Variants in NAGPA observed in about 807,000 individuals in gnomAD.
NAGPA encodes N-acetylglucosamine-1-phosphodiester alpha-N-acetylglucosaminidase, also known as alpha-N-acetylglucosaminyl phosphodiesterase.
Under a neutral mutation model 48.5 loss-of-function variants are expected in NAGPA, and 56 were observed. The observed-to-expected ratio is 1.15, with a 90% confidence interval of 0.93 to 1.44. The LOEUF is 1.44. Ranked by LOEUF, NAGPA falls within the 40% of genes most tolerant of loss-of-function variation. The pLI is 0.00. For missense variants in NAGPA, 888 were observed against 735.0 expected (o/e 1.21, Z -2.41); for synonymous variants, 399 against 315.5 (o/e 1.26, Z -2.81).
chr16:5,029,131 C>G, intron 4 of NAGPA, 123 bp from the exon 5 acceptor site: 4 of 1,513,574 alleles, frequency 2.6e-6, no homozygotes, highest in Non-Finnish European at 3.6e-6. Context: ...GTGGCCCCCG[C>G]CCCCAAGCAT....
chr16:5,027,695 A>T, intron 7 of NAGPA, 151 bp downstream of exon 7: 5 of 1,194,098 alleles, frequency 4.2e-6, no homozygotes, highest in Non-Finnish European at 6.0e-6. Flanking sequence ...GCCACAGGGG[A>T]GTCACACAGT....
chr16:5,030,336 C>T (rs1446018979), intron 4 of NAGPA, 49 bp downstream of exon 4: 4 of 1,508,990 alleles, frequency 2.7e-6, no homozygotes, highest in Admixed American at 3.9e-5. Context: ...CAACGTTCCT[C>T]CTAGCAGGAC....
At chr16:5,027,429 C>T (rs758766874) in intron 7 of NAGPA, 50 bp from the exon 8 acceptor site, 4 of 1,579,834 alleles carry the variant, frequency 2.5e-6, no homozygotes, top group Admixed American at 1.7e-5. Context: ...AGGTTGGGGC[C>T]TCCAGTGTCA....
At chr16:5,030,623 C>T in intron 3 of NAGPA, 130 bp from the exon 4 acceptor site, 1 of 771,610 alleles carries the variant, frequency 1.3e-6, no homozygotes, top group Non-Finnish European at 2.2e-6. Flanking sequence ...TTGCTCGTCT[C>T]CCTGCCTCCC....
Position 5,033,012 on chromosome 16 carries a change from AG to A in NAGPA, c.542+260del. ...TTACCCGGCTTTTGTTGATTTTTCT[AG>A]TAATGGGGGAGGGCTGTTAAGGCAA... On this transcript the variant is annotated intron_variant, in intron 2 of 9. Transcript: ENST00000312251. This position sits in a 1 kb window ranked among gnomAD's most constrained non-coding sequence, Gnocchi z 4.2. 1.7e-6 allele frequency: 1 copy of A among 573,896 alleles called. No individual in the cohort carries two copies. The highest frequency in any genetic ancestry group is 3.1e-6 in the Non-Finnish European group (1 of 323,778). The allele number at this position is 573,896 out of a possible 1,614,324, so 35.6% of individuals were successfully genotyped here.
chr16:5,031,663 T>C (rs1276995423), intron 3 of NAGPA, 82 bp downstream of exon 3: 6 of 1,583,344 alleles, frequency 3.8e-6, no homozygotes, highest in Non-Finnish European at 5.2e-6. Context: ...TCAATACTTG[T>C]TGAAAGACTT....
chr16:5,033,511 G>C lies in NAGPA; in HGVS notation c.304C>G (p.Arg102Gly). ...CCGGGCTCCAGCACCGAGAAGGTGC[G>C]CAGGGGCTCAACGGCCCGCGTCAGG... ...GHLTRAVEPL[R>G]TFSVLEPGGP... Residue 102 changes from arginine (R) to glycine (G), a missense_variant, in exon 2 of 10, where the codon CGC (arginine) becomes GGC (glycine). Transcript: ENST00000312251. The surrounding 1 kb of genome is among the most constrained non-coding windows in gnomAD (Gnocchi z 4.2). 6.5e-7 allele frequency: 1 copy of C among 1,539,326 alleles called. No individual in the cohort carries two copies. Among genetic ancestry groups the C allele is most frequent in the Non-Finnish European group, 8.7e-7 (1 of 1,151,742 alleles).
intron 5 of NAGPA, 157 bp from the exon 6 acceptor site, chr16:5,028,342 C>T (rs970004913): frequency 7.1e-7 from 1 of 1,402,624 alleles, no homozygotes; most frequent in Non-Finnish European, 9.8e-7. Context: ...TATTGCGATC[C>T]TTCCACCCGA....
At chr16:5,028,694 G>T in intron 5 of NAGPA, 186 bp downstream of exon 5, 39 of 840,274 alleles carry the variant, frequency 4.6e-5, no homozygotes, top group East Asian at 1.8e-4. Context: ...GGAGGTCTTT[G>T]CTGACCAACT....
intron 4 of NAGPA, chr16:5,030,077 C>CAAGT (rs1956072885): frequency 2.0e-6 from 1 of 511,138 alleles, no homozygotes; most frequent in Non-Finnish European, 3.6e-6. Context: ...GGTGGGTAGA[C>CAAGT]AAGTCATCGA....
chr16:5,024,868 G>T lies in NAGPA; in HGVS notation c.*610C>A, dbSNP rs1890387757. On this transcript the variant is annotated 3_prime_UTR_variant, in exon 10 of 10. Transcript: ENST00000312251. ...ATTCAGAATCCACACACCACCTGGT[G>T]GCTCCTTTTATTATATCAATTTATT... 1.3e-5 allele frequency: 2 copies of T among 156,504 alleles called. No homozygotes were observed. Among genetic ancestry groups the T allele is most frequent in the African/African-American group, 4.8e-5 (2 of 41,460 alleles). 9.7% of individuals were successfully genotyped at this position (156,504 alleles called of 1,614,324 possible). A position where few individuals can be genotyped will look rare whatever the true frequency, so the allele number is the denominator to read the frequency against.
At chr16:5,028,402 A>AT (rs746682627) in intron 5 of NAGPA, 325 of 889,586 alleles carry the variant, frequency 3.7e-4, no homozygotes, top group African/African-American at 1.0e-3. Flanking sequence ...CGCCTGCCTA[A>AT]TTTTTTTTTA....
rs1279852781 is a variant in NAGPA, at chr16:5,029,243, G to A, written c.792-235C>T. ...CTTAAGGGAGGGGAAACGGCCCGGA[G>A]GATCTGGGTGCAGCCACTGGAATCA... On this transcript the variant is annotated intron_variant, in intron 4 of 9. Coordinates refer to ENST00000312251, the MANE Select transcript of NAGPA (RefSeq NM_016256.4). 3.0e-5 allele frequency: 18 copies of A among 597,968 alleles called. No homozygotes were observed. The East Asian group carries it at 3.2e-4, about 11-fold the overall frequency. The allele number at this position is 597,968 out of a possible 1,614,324, so 37.0% of individuals were successfully genotyped here. A position where few individuals can be genotyped will look rare whatever the true frequency, so the allele number is the denominator to read the frequency against.
Position 5,030,509 on chromosome 16 carries a change from C to A in NAGPA, c.683-16G>T. The A allele has an allele frequency of 6.5e-7, 1 of 1,547,806 alleles. No homozygotes were observed. The highest frequency in any genetic ancestry group is 8.7e-7 in the Non-Finnish European group (1 of 1,143,356). On this transcript the variant is annotated splice_polypyrimidine_tract_variant and intron_variant, in intron 3 of 9. Coordinates refer to ENST00000312251, the MANE Select transcript of NAGPA (RefSeq NM_016256.4). ...CTAAAGGAACCTGAAGGAAAAGCAG[C>A]CTGGCTGATCACCGCCCCTTGGGAG...
intron 3 of NAGPA, 49 bp from the exon 4 acceptor site, chr16:5,030,542 G>C (rs1442563180): frequency 7.0e-7 from 1 of 1,437,726 alleles, no homozygotes; most frequent in Admixed American, 2.0e-5. Context: ...GAGGCCTCCT[G>C]CTTCTTGCCT....
chr16:5,033,166 G>T lies in NAGPA; in HGVS notation c.542+107C>A. The T allele has an allele frequency of 7.6e-7, 1 of 1,317,096 alleles. No individual in the cohort carries two copies. Among genetic ancestry groups the T allele is most frequent in the South Asian group, 1.3e-5 (1 of 78,848 alleles). 81.6% of individuals were successfully genotyped at this position (1,317,096 alleles called of 1,614,324 possible). The stretch of plus-strand genomic sequence containing the variant: ...ATTCCTATCCCCATTCTGCAGAGGA[G>T]GAAACAGGGGCTCAGCTTGGTTAAG... On this transcript the variant is annotated intron_variant, in intron 2 of 9. Transcript: ENST00000312251. The surrounding 1 kb of genome is among the most constrained non-coding windows in gnomAD (Gnocchi z 4.2).
rs1023246789 is a variant in NAGPA at position 5,028,486 on chromosome 16, C to T, written c.921-301G>A. 8.1e-5 allele frequency: 52 copies of T among 640,844 alleles called. No homozygotes were observed. In the Middle Eastern group the frequency reaches 1.3e-3, roughly 16 times the overall value. The allele number at this position is 640,844 out of a possible 1,614,324, so 39.7% of individuals were successfully genotyped here. ...CTGGGCCCAAGCGAACCTCCCACCT[C>T]GGCCTCCCAAAGCACTGGGATTCCA... On this transcript the variant is annotated intron_variant, in intron 5 of 9. Coordinates refer to ENST00000312251, the MANE Select transcript of NAGPA (RefSeq NM_016256.4).
Position 5,025,597 on chromosome 16 carries a change from C to G in NAGPA, c.1429G>C (p.Glu477Gln), listed in dbSNP as rs780357619. The change falls in exon 10 of 10, where the codon GAG becomes CAG. Residue 477 changes from glutamate to glutamine, a missense_variant. Transcript: ENST00000312251. Reference protein sequence around the residue: ...ANLSLLLSRAERNRRLHGDYA... With the variant: ...ANLSLLLSRAQRNRRLHGDYA... ...TCCCCATGCAGGCGCCGGTTCCTCT[C>G]TGCTCTGGACAGGAGCAAGGACAGG... The G allele has an allele frequency of 6.2e-7, 1 of 1,613,962 alleles. No homozygotes were observed. Among genetic ancestry groups the G allele is most frequent in the East Asian group, 2.2e-5 (1 of 44,872 alleles).
intron 2 of NAGPA, among the ~76,000 whole-genome samples, chr16:5,032,333 A>G (rs886790554): frequency 1.3e-5 from 2 of 152,088 alleles, no homozygotes; most frequent in Admixed American, 6.6e-5. Context: ...AGACTCAAAT[A>G]ATTTTTAAGA....
Sources: gnomAD v4.1 joint callset for allele counts (sites outside exome capture counted in the v4.1 genomes callset) on GRCh38, gnomAD v4.1.1 for gene constraint, Gnocchi (gnomAD v3.1) non-coding constraint, MANE v1.5 for transcripts, NCBI Gene and HGNC (gene_info 2026-07-23, HGNC 2026-07-21) for gene names.